The following WWOX variants were observed in gnomAD, a reference collection of about 807,000 sequenced individuals.
The protein encoded by WWOX is WW domain-containing oxidoreductase.
Under a neutral mutation model 46.2 loss-of-function variants are expected in WWOX, and 69 were observed. The ratio of observed to expected loss-of-function variants is 1.49; its 90% CI spans 1.23 to 1.82. The LOEUF (loss-of-function observed/expected upper bound fraction) is 1.82, where lower values mean the gene tolerates loss of function less well. WWOX is among the 40% of genes most tolerant of loss of function. The pLI, the probability that WWOX is intolerant of heterozygous loss-of-function variation, is 0.00. For synonymous variants in WWOX, 359 were observed against 202.6 expected (o/e 1.77, Z -6.56); for missense variants, 919 against 542.6 (o/e 1.69, Z -6.89).
chr16:78,394,328 G>C (rs2082241668), intron 6 of WWOX, among the ~76,000 whole-genome samples: 1 of 152,006 alleles, frequency 6.6e-6, no homozygotes, highest in Admixed American at 6.6e-5. Context: ...TCTAAATCTA[G>C]CTCTTAATTA....
chr16:79,026,319 G>T (rs1567496290), intron 8 of WWOX, among the ~76,000 whole-genome samples: 1 of 151,548 alleles, frequency 6.6e-6, no homozygotes, highest in Non-Finnish European at 1.5e-5. Context: ...CCTCTGCCGG[G>T]GAGGCTCTCC....
chr16:79,099,157 A>C (rs909040426), intron 8 of WWOX, among the ~76,000 whole-genome samples: 1 of 152,054 alleles, frequency 6.6e-6, no homozygotes, highest in Non-Finnish European at 1.5e-5. Context: ...GGGAGAACTC[A>C]CTCACTACCA....
chr16:78,355,802 T>C, intron 5 of WWOX: 1 of 710,904 alleles, frequency 1.4e-6, no homozygotes, highest in Non-Finnish European at 2.4e-6. Context: ...AGATGGCATT[T>C]TCCTGGTTGC....
chr16:78,937,141 T>A (rs943619502), intron 8 of WWOX, among the ~76,000 whole-genome samples: 1 of 152,138 alleles, frequency 6.6e-6, no homozygotes, highest in Non-Finnish European at 1.5e-5. Context: ...TTTAAAAAAA[T>A]GTTGATATAT....
At chr16:78,392,004 T>TG (rs939163575) in intron 6 of WWOX, among the ~76,000 whole-genome samples, 18 of 151,828 alleles carry the variant, frequency 1.2e-4, no homozygotes, top group Admixed American at 2.6e-4. Context: ...CCTTTTTTTT[T>TG]TTTTCCTTAA....
chr16:78,923,042 C>A (rs536179503), intron 8 of WWOX, among the ~76,000 whole-genome samples: 1 of 144,524 alleles, frequency 6.9e-6, no homozygotes, highest in African/African-American at 2.6e-5. Flanking sequence ...AGTGCAATGG[C>A]GCAATGTTGG....
At chr16:79,021,312 A>G (rs1405557465) in intron 8 of WWOX, among the ~76,000 whole-genome samples, 1 of 152,064 alleles carries the variant, frequency 6.6e-6, no homozygotes. Flanking sequence ...GATTAGCGAG[A>G]TATTGTCTCT....
At chr16:79,103,340 G>C (rs2049241164) in intron 8 of WWOX, among the ~76,000 whole-genome samples, 1 of 152,192 alleles carries the variant, frequency 6.6e-6, no homozygotes, top group South Asian at 2.1e-4. Flanking sequence ...AGTACCTTTA[G>C]GGGAATCCAG....
intron 8 of WWOX, among the ~76,000 whole-genome samples, chr16:78,780,938 A>G (rs2050309478): frequency 6.6e-6 from 1 of 152,180 alleles, no homozygotes; most frequent in Admixed American, 6.5e-5. Flanking sequence ...CAGCAGCAGA[A>G]GTGTGCAGGA....
chr16:78,936,680 C>T (rs1254685072), intron 8 of WWOX, among the ~76,000 whole-genome samples: 1 of 151,978 alleles, frequency 6.6e-6, no homozygotes, highest in African/African-American at 2.4e-5. Flanking sequence ...AAGCAACGTA[C>T]CCTAGGTAAG....
At chr16:78,752,439 C>T (rs991086187) in intron 8 of WWOX, among the ~76,000 whole-genome samples, 22 of 152,152 alleles carry the variant, frequency 1.4e-4, no homozygotes, top group Admixed American at 1.2e-3. Context: ...AGGCACACAC[C>T]ACCACACCTG....
chr16:78,632,981 GGCCA>G (rs1334716849), intron 8 of WWOX, among the ~76,000 whole-genome samples: 1 of 152,106 alleles, frequency 6.6e-6, no homozygotes, highest in Non-Finnish European at 1.5e-5. Context: ...AAGTTAAGGT[GGCCA>G]GGCATGGTGG....
rs2150868322 is a variant in WWOX, at chr16:79,211,795, A to C, written c.1244A>C (p.Ter415SerextTer47). 6.2e-7 allele frequency: 1 copy of C among 1,614,080 alleles called. No individual in the cohort carries two copies. Among genetic ancestry groups the C allele is most frequent in the Non-Finnish European group, 8.5e-7 (1 of 1,179,976 alleles). The change falls in exon 9 of 9, where the codon TAA becomes TCA. Residue 415 changes from the stop codon to serine, a stop_lost. Transcript: ENST00000566780. ...GAACGGCTTGGCAGCCAGTCCGGCT[A>C]AGTGGAGCTCAGAGCGGATGGGCAC... ...IQERLGSQSG[*>S]
chr16:78,352,401 T>C (rs984666235), intron 5 of WWOX, among the ~76,000 whole-genome samples: 4 of 152,216 alleles, frequency 2.6e-5, no homozygotes, highest in Non-Finnish European at 4.4e-5. Flanking sequence ...ACCATTTCTT[T>C]CTGTAGGTTC....
In WWOX at chr16:79,126,907, C is replaced by G. The variant is rs147012301; in HGVS notation, c.1057-84701C>G. On this transcript the variant is annotated intron_variant, in intron 8 of 8. Coordinates refer to ENST00000566780, the MANE Select transcript of WWOX (RefSeq NM_016373.4). ...GTAAATACAGCCTCTGTGTGTAAGA[C>G]AGAGAAAAGGAGAGAGTGGGAAGTA... Among the ~76,000 whole-genome samples the G allele has an allele frequency of 3.3e-3, 505 of 152,110 alleles. 4 individuals are homozygous for G. The highest frequency in any genetic ancestry group is 0.012 in the African/African-American group (493 of 41,462).
chr16:78,894,860 A>G (rs1321785085), intron 8 of WWOX, among the ~76,000 whole-genome samples: 1 of 152,178 alleles, frequency 6.6e-6, no homozygotes, highest in Non-Finnish European at 1.5e-5. Context: ...AACAGTGACT[A>G]ACTGAGCACT....
At chr16:78,152,317 T>C (rs575202720) in intron 4 of WWOX, among the ~76,000 whole-genome samples, 8 of 152,342 alleles carry the variant, frequency 5.3e-5, no homozygotes, top group Middle Eastern at 3.4e-3. Flanking sequence ...TATAACCTAA[T>C]TGATAAAACA....
At chr16:78,599,131 A>G (rs1484237294) in intron 8 of WWOX, among the ~76,000 whole-genome samples, 1 of 152,152 alleles carries the variant, frequency 6.6e-6, no homozygotes, top group African/African-American at 2.4e-5. Flanking sequence ...GCTAAACTCC[A>G]GGGGTTGCTG....
At chr16:78,657,972 G>A (rs1332389441) in intron 8 of WWOX, among the ~76,000 whole-genome samples, 1 of 152,126 alleles carries the variant, frequency 6.6e-6, no homozygotes, top group African/African-American at 2.4e-5. Flanking sequence ...CAGAGGCCAA[G>A]TGACTTTGAT....
Sources: gnomAD v4.1 joint callset for allele counts (sites outside exome capture counted in the v4.1 genomes callset) on GRCh38, gnomAD v4.1.1 for gene constraint, MANE v1.5 for transcripts, NCBI Gene and HGNC (gene_info 2026-07-23, HGNC 2026-07-21) for gene names.